Variants in KCTD16 observed in about 807,000 individuals in gnomAD.
KCTD16 encodes BTB/POZ domain-containing protein KCTD16.
Under a neutral mutation model 33.2 loss-of-function variants are expected in KCTD16, and 13 were observed. The ratio of observed to expected loss-of-function variants is 0.39; its 90% CI spans 0.25 to 0.62. The LOEUF (loss-of-function observed/expected upper bound fraction) is 0.62. Ranked by LOEUF, KCTD16 falls within the 20% of genes least tolerant of loss-of-function variation. The pLI, the probability that KCTD16 is intolerant of heterozygous loss-of-function variation, is 0.50. For missense variants in KCTD16, 441 were observed against 525.1 expected (o/e 0.84, Z 1.57); for synonymous variants, 197 against 195.3 (o/e 1.01, Z -0.07).
At chr5:144,431,347 G>A (rs1234987295) in intron 3 of KCTD16, among the ~76,000 whole-genome samples, 1 of 152,144 alleles carries the variant, frequency 6.6e-6, no homozygotes, top group Admixed American at 6.6e-5. Flanking sequence ...GCAAGATGAA[G>A]AGACTTGCTT....
intron 3 of KCTD16, among the ~76,000 whole-genome samples, chr5:144,349,790 A>T (rs1171987759): frequency 6.6e-6 from 1 of 151,956 alleles, no homozygotes; most frequent in East Asian, 1.9e-4. Context: ...TTTCCCCATC[A>T]CACTCTATCA....
intron 3 of KCTD16, among the ~76,000 whole-genome samples, chr5:144,406,134 A>G (rs543137195): frequency 7.4e-4 from 112 of 152,322 alleles, no homozygotes; most frequent in Non-Finnish European, 1.2e-3. Flanking sequence ...CGAAGGACTT[A>G]TTTAGATAAC....
chr5:144,462,996 G>A (rs1754235535), intron 3 of KCTD16, among the ~76,000 whole-genome samples: 1 of 152,116 alleles, frequency 6.6e-6, no homozygotes, highest in Admixed American at 6.5e-5. Context: ...GTATATAAAG[G>A]AATAGCAGTC....
At chr5:144,433,325 C>T (rs1446819011) in intron 3 of KCTD16, among the ~76,000 whole-genome samples, 1 of 152,082 alleles carries the variant, frequency 6.6e-6, no homozygotes, top group Non-Finnish European at 1.5e-5. Flanking sequence ...TCCCTGGTGG[C>T]ATGAGGCAAT....
chr5:144,220,539 G>C (rs909321419), intron 3 of KCTD16, among the ~76,000 whole-genome samples: 1 of 151,778 alleles, frequency 6.6e-6, no homozygotes, highest in African/African-American at 2.4e-5. Flanking sequence ...TCACCATGAA[G>C]GCAGCAGGTT....
At position 144,484,498 on chromosome 5, in the gene KCTD16, A is replaced by C. The variant is rs1357085353; in HGVS notation, c.*10384A>C. 1 of 151,964 alleles carries C rather than the reference A, an allele frequency of 6.6e-6. No homozygotes were observed. Among genetic ancestry groups the C allele is most frequent in the African/African-American group, 2.4e-5 (1 of 41,430 alleles). The allele number at this position is 151,964 out of a possible 1,614,324, so 9.4% of individuals were successfully genotyped here. A position where few individuals can be genotyped will look rare whatever the true frequency, so the allele number is the denominator to read the frequency against. On this transcript the variant is annotated 3_prime_UTR_variant, in exon 4 of 4. Transcript: ENST00000512467. ...ACCCACAAAATAATTCGTCCAAATT[A>C]AATTGACTTTTTTACATAACATCAG... is the stretch of plus-strand genomic sequence containing the variant.
chr5:144,270,722 A>C (rs1755270549), intron 3 of KCTD16, among the ~76,000 whole-genome samples: 1 of 151,772 alleles, frequency 6.6e-6, no homozygotes, highest in South Asian at 2.1e-4. Context: ...GAGAAAAATC[A>C]ATGAAATCAA....
In KCTD16 at chr5:144,302,679, A is replaced by C. The variant is rs1399953369; in HGVS notation, c.832+95133A>C. Among the ~76,000 whole-genome samples, 3 of 152,226 alleles carry C rather than the reference A, an allele frequency of 2.0e-5. No homozygotes were observed. The East Asian group carries it at 5.8e-4, about 29-fold the overall frequency. On this transcript the variant is annotated intron_variant, in intron 3 of 3. Transcript: ENST00000512467. The stretch of plus-strand genomic sequence containing the variant: ...TACAGTATCAAAGAAAGAATAACTT[A>C]ACTGTAAAACACCCTGTTTTTCTGA...
intron 3 of KCTD16, among the ~76,000 whole-genome samples, chr5:144,337,813 A>T (rs1752527828): frequency 6.6e-6 from 1 of 152,178 alleles, no homozygotes. Context: ...AAGGGAGAAG[A>T]GTGGGTGAGA....
chr5:144,206,827 C>T lies in KCTD16; in HGVS notation c.113C>T (p.Thr38Ile), dbSNP rs936927619. The T allele has an allele frequency of 1.9e-6, 3 of 1,614,150 alleles. No homozygotes were observed. Among genetic ancestry groups the T allele is most frequent in the Non-Finnish European group, 2.5e-6 (3 of 1,180,034 alleles). The stretch of plus-strand genomic sequence containing the variant: ...AATGTCGGGGGTCAAGTTTATTTTA[C>T]TCGCCATTCCACATTGATAAGCATC... ...ELNVGGQVYF[T>I]RHSTLISIPH... Residue 38 changes from threonine (T) to isoleucine (I), a missense_variant, in exon 3 of 4, where the codon ACT becomes ATT. Physicochemically the swap from Thr to Ile is moderately conservative, Grantham distance 89. This residue lies in a region of KCTD16 where 80 missense variants were observed against 88.5 expected (regional missense o/e 0.90). Coordinates refer to ENST00000512467, the MANE Select transcript of KCTD16 (RefSeq NM_020768.4).
chr5:144,218,546 G>GT (rs937746652), intron 3 of KCTD16, among the ~76,000 whole-genome samples: 11 of 152,142 alleles, frequency 7.2e-5, no homozygotes, highest in South Asian at 2.1e-4. Context: ...CCAATATCAT[G>GT]TTTTTTTAAC....
At chr5:144,292,714 A>T (rs1755927936) in intron 3 of KCTD16, among the ~76,000 whole-genome samples, 1 of 152,216 alleles carries the variant, frequency 6.6e-6, no homozygotes, top group African/African-American at 2.4e-5. Flanking sequence ...ATCAATGGAA[A>T]GAGCTGAATG....
At chr5:144,466,293 T>C (rs1754331023) in intron 3 of KCTD16, among the ~76,000 whole-genome samples, 1 of 150,668 alleles carries the variant, frequency 6.6e-6, no homozygotes, top group Admixed American at 6.6e-5. Flanking sequence ...ACACTGGTGA[T>C]TGCTACCAAG....
At chr5:144,343,961 C>T (rs1580888362) in intron 3 of KCTD16, among the ~76,000 whole-genome samples, 2 of 152,264 alleles carry the variant, frequency 1.3e-5, no homozygotes, top group Non-Finnish European at 2.9e-5. Context: ...TCAAACTATA[C>T]TACAAGGCTA....
At chr5:144,257,634 G>A (rs1561545261) in intron 3 of KCTD16, among the ~76,000 whole-genome samples, 1 of 151,894 alleles carries the variant, frequency 6.6e-6, no homozygotes, top group African/African-American at 2.4e-5. Context: ...GACTACAGGC[G>A]CCCACCACCA....
At chr5:144,291,064 A>G (rs1755884193) in intron 3 of KCTD16, among the ~76,000 whole-genome samples, 1 of 152,230 alleles carries the variant, frequency 6.6e-6, no homozygotes, top group Non-Finnish European at 1.5e-5. Flanking sequence ...AAGACTTTGT[A>G]TAAAAGTGTT....
At chr5:144,311,825 T>C (rs1169708339) in intron 3 of KCTD16, among the ~76,000 whole-genome samples, 2 of 152,224 alleles carry the variant, frequency 1.3e-5, no homozygotes, top group Non-Finnish European at 2.9e-5. Flanking sequence ...CAGTTAACTG[T>C]ACTTTTTAAT....
At chr5:144,314,340 T>A (rs959416203) in intron 3 of KCTD16, among the ~76,000 whole-genome samples, 3 of 152,172 alleles carry the variant, frequency 2.0e-5, no homozygotes, top group Non-Finnish European at 4.4e-5. Context: ...AGATAAAGCG[T>A]AACTGTCTTG....
intron 3 of KCTD16, among the ~76,000 whole-genome samples, chr5:144,343,803 G>T (rs1752710445): frequency 2.0e-5 from 3 of 152,148 alleles, no homozygotes; most frequent in South Asian, 2.1e-4. Context: ...TGGTTTCAAA[G>T]AACATCTTTA....
Sources: gnomAD v4.1 joint callset for allele counts (sites outside exome capture counted in the v4.1 genomes callset) on GRCh38, gnomAD v4.1.1 for gene constraint, gnomAD v4.1.1 regional missense constraint, MANE v1.5 for transcripts, NCBI Gene and HGNC (gene_info 2026-07-23, HGNC 2026-07-21) for gene names.